Variants in ZNF782 observed in about 807,000 individuals in gnomAD.
The protein encoded by ZNF782 is zinc finger protein 782.
In ZNF782, 12 loss-of-function variants were observed where a neutral mutation model predicts 13.0. The ratio of observed to expected loss-of-function variants is 0.92; its 90% CI spans 0.59 to 1.50. The LOEUF is 1.50. Ranked by LOEUF, ZNF782 falls within the 40% of genes most tolerant of loss-of-function variation. The pLI, the probability that ZNF782 is intolerant of heterozygous loss-of-function variation, is 0.00. For missense variants in ZNF782, 770 were observed against 822.9 expected, an observed-to-expected ratio of 0.94 and a Z score of 0.79; for synonymous variants, 284 against 283.0, an observed-to-expected ratio of 1.00 and a Z score of -0.04.
chr9:96,907,685 G>C, the ZNF782 span, among the ~76,000 whole-genome samples: 152 of 151,500 alleles, frequency 1.0e-3, no homozygotes, highest in Middle Eastern at 3.4e-3. Flanking sequence ...TGGTCGCCCA[G>C]GCTAGAGTGC....
At chr9:96,828,089 T>C (rs1012015808) in intron 4 of ZNF782, among the ~76,000 whole-genome samples, 2 of 152,184 alleles carry the variant, frequency 1.3e-5, no homozygotes, top group African/African-American at 4.8e-5. Flanking sequence ...TCCTGAGTAC[T>C]GACCTGTATA....
intron 5 of ZNF782, among the ~76,000 whole-genome samples, chr9:96,822,531 A>T (rs1850458692): frequency 6.6e-6 from 1 of 152,254 alleles, no homozygotes; most frequent in Non-Finnish European, 1.5e-5. Context: ...CAAAACTTTG[A>T]GTAATAGTGC....
chr9:96,885,866 G>C, the ZNF782 span, among the ~76,000 whole-genome samples: 1 of 151,142 alleles, frequency 6.6e-6, no homozygotes, highest in Non-Finnish European at 1.5e-5. Flanking sequence ...TTCTTAGACA[G>C]AGACAGAGTC....
At chr9:96,902,269 C>T in the ZNF782 span, among the ~76,000 whole-genome samples, 1 of 149,010 alleles carries the variant, frequency 6.7e-6, no homozygotes, top group Non-Finnish European at 1.5e-5. Context: ...ACTAAAAATA[C>T]AAAAATTAGC....
At chr9:96,886,925 A>G in the ZNF782 span, among the ~76,000 whole-genome samples, 1 of 149,908 alleles carries the variant, frequency 6.7e-6, no homozygotes, top group Non-Finnish European at 1.5e-5. Flanking sequence ...CCCTCTCGAA[A>G]AAAAAAAAAA....
Position 96,843,675 on chromosome 9 carries a change from T to C in ZNF782, c.142+1215A>G, listed in dbSNP as rs77566886. Among the ~76,000 whole-genome samples the C allele has an allele frequency of 4.4e-3, 668 of 152,320 alleles. 9 individuals are homozygous for C. Among genetic ancestry groups the C allele is most frequent in the Admixed American group, 0.031 (476 of 15,290 alleles). On this transcript the variant is annotated intron_variant, in intron 4 of 5. Transcript: ENST00000481138. ...CACACACATTGTACCAGTGTCTATT[T>C]ACTGGTGTTGATAGTGTATTATAGT...
chr9:96,847,717 A>T (rs779137361), intron 3 of ZNF782, among the ~76,000 whole-genome samples: 8 of 152,212 alleles, frequency 5.3e-5, no homozygotes, highest in African/African-American at 1.4e-4. Flanking sequence ...GACCAGATGG[A>T]TTCACAGCTG....
the ZNF782 span, among the ~76,000 whole-genome samples, chr9:96,917,935 G>GC: frequency 7.6e-6 from 1 of 131,786 alleles, no homozygotes; most frequent in African/African-American, 3.7e-5. Context: ...TGTGTAGATG[G>GC]GGGTCTGTGT....
rs1223421650 is a variant in ZNF782, at chr9:96,818,834, G to A, written c.1189C>T (p.Pro397Ser). The stretch of plus-strand genomic sequence containing the variant: ...TCACTGAAGGCTTTCCCGCACTCAG[G>A]ACATTCATAGGGTTTCTCCCCTGTG... ...SHTGEKPYEC[P>S]ECGKAFSEKS... The change falls in exon 6 of 6, where the codon CCT becomes TCT. Residue 397 changes from proline to serine, a missense_variant. By Grantham distance (74) the Pro-to-Ser change is moderately conservative. Coordinates refer to ENST00000481138, the MANE Select transcript of ZNF782 (RefSeq NM_001001662.3). 1.2e-6 allele frequency: 2 copies of A among 1,604,370 alleles called. No homozygotes were observed. Among genetic ancestry groups the A allele is most frequent in the Admixed American group, 1.7e-5 (1 of 58,670 alleles).
chr9:96,817,970 G>A lies in ZNF782; in HGVS notation c.2053C>T (p.Gln685Ter), dbSNP rs1481353964. Residue 685 changes from glutamine (Q) to a stop codon, truncating the protein, a stop_gained, in exon 6 of 6, where the codon CAA becomes TAA. Coordinates refer to ENST00000481138, the MANE Select transcript of ZNF782 (RefSeq NM_001001662.3). LOFTEE classifies it low-confidence loss of function (END_TRUNC). The stretch of plus-strand genomic sequence containing the variant: ...TGATGTTCTCTAAGGCTTGATTTTT[G>A]ACTGAAAGTTCTCCCACATTTATCA... ...KCDKCGRTFSQKSSLREHQKA... is the reference protein window; with the variant it reads ...KCDKCGRTFS The A allele has an allele frequency of 2.5e-6, 4 of 1,602,794 alleles. No individual in the cohort carries two copies. The highest frequency in any genetic ancestry group is 3.4e-6 in the Non-Finnish European group (4 of 1,175,192).
chr9:96,901,625 T>C, the ZNF782 span, among the ~76,000 whole-genome samples: 4 of 151,812 alleles, frequency 2.6e-5, no homozygotes, highest in African/African-American at 7.3e-5. Flanking sequence ...TGGTTATTGC[T>C]GGAAATCATA....
At chr9:96,821,826 G>T (rs757911678) in intron 5 of ZNF782, among the ~76,000 whole-genome samples, 1 of 151,812 alleles carries the variant, frequency 6.6e-6, no homozygotes, top group Non-Finnish European at 1.5e-5. Context: ...CACCATACCC[G>T]GCTAATTTTT....
intron 4 of ZNF782, among the ~76,000 whole-genome samples, chr9:96,834,111 A>G (rs1850904114): frequency 6.6e-6 from 1 of 152,210 alleles, no homozygotes; most frequent in African/African-American, 2.4e-5. Flanking sequence ...GCCCTCTGAC[A>G]TGGTTTGGCT....
chr9:96,838,605 C>T (rs1314226513), intron 4 of ZNF782, among the ~76,000 whole-genome samples: 2 of 152,186 alleles, frequency 1.3e-5, no homozygotes, highest in African/African-American at 4.8e-5. Flanking sequence ...CCATTTATTA[C>T]TATGTAATAT....
intron 4 of ZNF782, among the ~76,000 whole-genome samples, chr9:96,828,733 T>C (rs1037219293): frequency 1.3e-5 from 2 of 151,928 alleles, no homozygotes; most frequent in Non-Finnish European, 2.9e-5. Context: ...TAATCAGCAT[T>C]CCAGAAGAAA....
chr9:96,867,921 AG>A (rs1428353868), intron 1 of ZNF782, among the ~76,000 whole-genome samples: 1 of 152,250 alleles, frequency 6.6e-6, no homozygotes, highest in Non-Finnish European at 1.5e-5. Flanking sequence ...AGCAGAATTT[AG>A]AGCCATTCTA....
intron 3 of ZNF782, among the ~76,000 whole-genome samples, chr9:96,847,340 G>A (rs1445063224): frequency 6.6e-6 from 1 of 151,914 alleles, no homozygotes; most frequent in Non-Finnish European, 1.5e-5. Context: ...AGAACTAAAT[G>A]AAATTCAAAC....
At chr9:96,863,518 T>G (rs1318669053) in intron 1 of ZNF782, among the ~76,000 whole-genome samples, 2 of 152,174 alleles carry the variant, frequency 1.3e-5, no homozygotes, top group Non-Finnish European at 2.9e-5. Context: ...CTACTGGGTA[T>G]CTACCCAAAG....
At chr9:96,870,179 T>C (rs1355314767) in intron 1 of ZNF782, among the ~76,000 whole-genome samples, 1 of 152,230 alleles carries the variant, frequency 6.6e-6, no homozygotes, top group African/African-American at 2.4e-5. Flanking sequence ...GTGTGGCTTA[T>C]CATCAATGGT....
Sources: allele counts gnomAD v4.1 joint callset (sites outside exome capture counted in the v4.1 genomes callset), GRCh38; gene constraint gnomAD v4.1.1; transcripts MANE v1.5; gene names NCBI Gene and HGNC (gene_info 2026-07-23, HGNC 2026-07-21).